Variants in ZNF670 observed in about 807,000 individuals in gnomAD.
ZNF670 encodes the protein zinc finger protein 670.
In ZNF670, 7 loss-of-function variants were observed where a neutral mutation model predicts 10.9. That is an observed-to-expected ratio of 0.64 (90% CI 0.36 to 1.20). The LOEUF (loss-of-function observed/expected upper bound fraction) is 1.20. ZNF670 is among the 50% of genes most tolerant of loss of function. The pLI is 0.02. For missense variants in ZNF670, 446 were observed against 458.6 expected (o/e 0.97, Z 0.25); for synonymous variants, 136 against 152.7 (o/e 0.89, Z 0.81).
chr1:247,041,092 C>G (rs1670297213), intron 1 of ZNF670, among the ~76,000 whole-genome samples: 1 of 152,130 alleles, frequency 6.6e-6, no homozygotes, highest in South Asian at 2.1e-4. Context: ...CAAATTGGTA[C>G]TAACTGAAAA....
Position 247,038,400 on chromosome 1 carries a change from T to G in ZNF670, c.219A>C (p.Glu73Asp), listed in dbSNP as rs778598074. Reference protein sequence around the residue: ...LSSHVVERLFEIKEGSQYGET... With the variant: ...LSSHVVERLFDIKEGSQYGET... The stretch of plus-strand genomic sequence containing the variant: ...CTCCATATTGACTGCCTTCTTTAAT[T>G]TCAAACAGTCTCTCTACCACATGAC... Residue 73 changes from glutamate (E) to aspartate (D), a missense_variant, in exon 4 of 4, where the codon GAA (glutamate) becomes GAC (aspartate). Physicochemically the swap from Glu to Asp is conservative, Grantham distance 45. Transcript: ENST00000366503. The G allele has an allele frequency of 6.2e-7, 1 of 1,612,146 alleles. No individual in the cohort carries two copies. Among genetic ancestry groups the G allele is most frequent in the South Asian group, 1.1e-5 (1 of 91,032 alleles).
At chr1:247,049,573 T>C (rs888808489) in intron 1 of ZNF670, among the ~76,000 whole-genome samples, 1 of 152,248 alleles carries the variant, frequency 6.6e-6, no homozygotes, top group African/African-American at 2.4e-5. Flanking sequence ...TGGATTTGGT[T>C]TGCTATTGTT....
Position 247,039,688 on chromosome 1 carries a change from T to G in ZNF670, c.4-151A>C, listed in dbSNP as rs187765484. The G allele has an allele frequency of 2.3e-4, 190 of 840,746 alleles. No homozygotes were observed. In the African/African-American group the frequency reaches 3.1e-3, roughly 14 times the overall value. 52.1% of individuals were successfully genotyped at this position (840,746 alleles called of 1,614,324 possible). ...TCAGAACTTTACTCTCTGTCTGCAC[T>G]TACTGCTGCCCACTCAACATTCTTC... On this transcript the variant is annotated intron_variant, in intron 1 of 3. Transcript: ENST00000366503.
At chr1:247,067,854 A>AG (rs1671025589) in intron 1 of ZNF670, among the ~76,000 whole-genome samples, 1 of 87,190 alleles carries the variant, frequency 1.1e-5, no homozygotes, top group East Asian at 1.9e-4. Flanking sequence ...AAAAAAAAAA[A>AG]AAAAAAAAAA....
At position 247,068,829 on chromosome 1, in the gene ZNF670, C is replaced by CAAAAAAAAAA; in HGVS notation, c.3+9755_3+9764dup. 2.3e-5 allele frequency among the ~76,000 whole-genome samples: 2 copies of CAAAAAAAAAA among 85,608 alleles called. 1 individual carries two copies. The highest frequency in any genetic ancestry group is 9.3e-5 in the African/African-American group (2 of 21,550). The allele number at this position is 85,608 out of a possible 152,430, so 56.2% of individuals were successfully genotyped here. A position where few individuals can be genotyped will look rare whatever the true frequency, so the allele number is the denominator to read the frequency against. On this transcript the variant is annotated intron_variant, in intron 1 of 3. Coordinates refer to ENST00000366503, the MANE Select transcript of ZNF670 (RefSeq NM_033213.5). Reference sequence around the variant, plus strand: ...TACACACACTGGGGTACTATTTTGCCAAAAAAAAAAAAAAAAAAAAGAATG... The same window carrying CAAAAAAAAAA: ...TACACACACTGGGGTACTATTTTGCCAAAAAAAAAAAAAAAAAAAAAAAAAAAAAAGAATG...
At chr1:247,070,105 C>T (rs1671080608) in intron 1 of ZNF670, among the ~76,000 whole-genome samples, 1 of 151,848 alleles carries the variant, frequency 6.6e-6, no homozygotes, top group Non-Finnish European at 1.5e-5. Context: ...TCCTGTACCC[C>T]ATAAATATAC....
chr1:247,053,792 C>A (rs1285902673), intron 1 of ZNF670, among the ~76,000 whole-genome samples: 1 of 152,158 alleles, frequency 6.6e-6, no homozygotes, highest in Non-Finnish European at 1.5e-5. Context: ...AGGAAGATGG[C>A]CAAATAGAAG....
At chr1:247,061,431 A>G (rs957848900) in intron 1 of ZNF670, among the ~76,000 whole-genome samples, 10 of 151,340 alleles carry the variant, frequency 6.6e-5, no homozygotes, top group African/African-American at 2.0e-4. Flanking sequence ...GCCTCCCAAA[A>G]TGCTGGGATT....
At chr1:247,054,717 G>A (rs1245051452) in intron 1 of ZNF670, among the ~76,000 whole-genome samples, 4 of 152,166 alleles carry the variant, frequency 2.6e-5, no homozygotes, top group East Asian at 1.9e-4. Flanking sequence ...CAAGTGAGAC[G>A]TAGCACATTC....
chr1:247,047,133 T>A (rs188006135), intron 1 of ZNF670, among the ~76,000 whole-genome samples: 1 of 152,338 alleles, frequency 6.6e-6, no homozygotes, highest in East Asian at 1.9e-4. Flanking sequence ...CTGTGACTTT[T>A]CCAGGTACAC....
Position 247,034,651 on chromosome 1 carries a change from T to C in ZNF670, c.*2798A>G, listed in dbSNP as rs888484560. The stretch of plus-strand genomic sequence containing the variant: ...AAGGCCACTAGTCTTGCACAAGTCA[T>C]CTTGTTACACAATTAGGTGACATGC... On this transcript the variant is annotated 3_prime_UTR_variant, in exon 4 of 4. Transcript: ENST00000366503. 2.6e-5 allele frequency among the ~76,000 whole-genome samples: 4 copies of C among 152,220 alleles called. No individual in the cohort carries two copies. The highest frequency in any genetic ancestry group is 9.6e-5 in the African/African-American group (4 of 41,456).
chr1:247,048,511 A>C (rs1670512502), intron 1 of ZNF670, among the ~76,000 whole-genome samples: 1 of 151,914 alleles, frequency 6.6e-6, no homozygotes. Flanking sequence ...AACTGTTCCA[A>C]CCTCTGCCTG....
chr1:247,078,608 C>G lies in ZNF670; in HGVS notation c.-12G>C, dbSNP rs1164990245. ...GGCACACTCACCATTTCCCAGTCTCCGGTGTCTGGGGTCCTCCCTAAGGAC... is the reference window on the plus strand; with the variant it reads ...GGCACACTCACCATTTCCCAGTCTCGGGTGTCTGGGGTCCTCCCTAAGGAC... On this transcript the variant is annotated 5_prime_UTR_variant, in exon 1 of 4. Coordinates refer to ENST00000366503, the MANE Select transcript of ZNF670 (RefSeq NM_033213.5). 6.2e-7 allele frequency: 1 copy of G among 1,613,896 alleles called. No homozygotes were observed. The highest frequency in any genetic ancestry group is 1.1e-5 in the South Asian group (1 of 91,068).
chr1:247,078,562 C>G lies in ZNF670; in HGVS notation c.3+32G>C, dbSNP rs546369219. The G allele has an allele frequency of 1.4e-5, 22 of 1,613,718 alleles. No individual in the cohort carries two copies. The East Asian group carries it at 2.5e-4, about 18-fold the overall frequency. ...ACCGCTTCCTGGCGGTTCCCTTTTC[C>G]CCTTCCCGAGACACCTGGCCGGCAC... On this transcript the variant is annotated intron_variant, in intron 1 of 3. Transcript: ENST00000366503.
chr1:247,073,982 G>A (rs891043601), intron 1 of ZNF670, among the ~76,000 whole-genome samples: 5 of 152,174 alleles, frequency 3.3e-5, no homozygotes, highest in Non-Finnish European at 5.9e-5. Context: ...TAGAGGACAC[G>A]GGAACATAGC....
At chr1:247,049,048 T>C (rs919492128) in intron 1 of ZNF670, among the ~76,000 whole-genome samples, 3 of 152,180 alleles carry the variant, frequency 2.0e-5, no homozygotes, top group African/African-American at 7.2e-5. Context: ...GTAGCCTTAG[T>C]AATCTTTTGT....
intron 1 of ZNF670, among the ~76,000 whole-genome samples, chr1:247,048,498 C>T (rs546229288): frequency 1.3e-5 from 2 of 152,332 alleles, no homozygotes; most frequent in South Asian, 4.1e-4. Flanking sequence ...TCTGAGCCCT[C>T]CAAACTGTTC....
chr1:247,043,489 CA>C, intron 1 of ZNF670: 1 of 649,338 alleles, frequency 1.5e-6, no homozygotes, highest in African/African-American at 1.8e-5. Flanking sequence ...AAGATATTCT[CA>C]AAAATAACAA....
chr1:247,051,466 G>A (rs546854389), intron 1 of ZNF670, among the ~76,000 whole-genome samples: 1 of 152,262 alleles, frequency 6.6e-6, no homozygotes, highest in Non-Finnish European at 1.5e-5. Flanking sequence ...AGCTTGTTGG[G>A]TTTCTGCTGA....
Sources: allele counts gnomAD v4.1 joint callset (sites outside exome capture counted in the v4.1 genomes callset), GRCh38; gene constraint gnomAD v4.1.1; transcripts MANE v1.5; gene names NCBI Gene and HGNC (gene_info 2026-07-23, HGNC 2026-07-21).